The following TMOD3 variants were observed in gnomAD, a reference collection of about 807,000 sequenced individuals.
TMOD3 encodes the protein tropomodulin 3, also known as tropomodulin-3.
In TMOD3, 20 loss-of-function variants were observed where a neutral mutation model predicts 39.2. The ratio of observed to expected loss-of-function variants is 0.51; its 90% CI spans 0.36 to 0.74. The LOEUF is 0.74. Ranked by LOEUF, TMOD3 falls within the 30% of genes least tolerant of loss-of-function variation. The probability of loss-of-function intolerance (pLI) is 0.00; values close to 1 mark genes in which losing one functional copy is unlikely to be tolerated. For missense variants in TMOD3, 381 were observed against 412.8 expected (o/e 0.92, Z 0.67); for synonymous variants, 143 against 145.8 (o/e 0.98, Z 0.14).
chr15:51,847,880 A>G (rs1447644291), intron 1 of TMOD3, among the ~76,000 whole-genome samples: 1 of 152,238 alleles, frequency 6.6e-6, no homozygotes, highest in Non-Finnish European at 1.5e-5. Flanking sequence ...GAATGTCTGT[A>G]CCTTCCTAAA....
intron 3 of TMOD3, among the ~76,000 whole-genome samples, chr15:51,872,534 G>A (rs944761733): frequency 6.6e-6 from 1 of 151,450 alleles, no homozygotes; most frequent in African/African-American, 2.4e-5. Flanking sequence ...ACTTTATATC[G>A]ATGGAAACAT....
chr15:51,911,302 G>A lies in TMOD3; in HGVS notation c.*2492G>A, dbSNP rs1279619724. On this transcript the variant is annotated 3_prime_UTR_variant, in exon 10 of 10. Transcript: ENST00000308580. ...TTTCATATATTATTTATCAAAGTAT[G>A]AAGTTGAGTATTTTGCTTGTACCAT... The A allele has an allele frequency of 6.6e-6, 1 of 152,172 alleles. No homozygotes were observed. Among genetic ancestry groups the A allele is most frequent in the Non-Finnish European group, 1.5e-5 (1 of 68,034 alleles). The allele number at this position is 152,172 out of a possible 1,614,324, so 9.4% of individuals were successfully genotyped here.
At chr15:51,898,296 T>G (rs1157984374) in intron 7 of TMOD3, among the ~76,000 whole-genome samples, 7 of 152,230 alleles carry the variant, frequency 4.6e-5, no homozygotes, top group Non-Finnish European at 1.0e-4. Context: ...TCCACTTAGC[T>G]TTGTCTTATC....
At chr15:51,882,825 A>C (rs933195875) in intron 3 of TMOD3, among the ~76,000 whole-genome samples, 37 of 152,188 alleles carry the variant, frequency 2.4e-4, no homozygotes, top group Non-Finnish European at 3.5e-4. Context: ...TATAAAAAAA[A>C]AACAACTGAG....
chr15:51,906,094 AG>A (rs2056679261), intron 9 of TMOD3, among the ~76,000 whole-genome samples: 1 of 151,830 alleles, frequency 6.6e-6, no homozygotes, highest in Non-Finnish European at 1.5e-5. Flanking sequence ...GGTGAGAAAG[AG>A]GGGTCAGAAA....
intron 1 of TMOD3, among the ~76,000 whole-genome samples, chr15:51,852,376 G>T (rs1290062980): frequency 6.6e-6 from 1 of 151,924 alleles, no homozygotes; most frequent in Non-Finnish European, 1.5e-5. Context: ...ACCTGAAGTG[G>T]AGTTAACCTG....
intron 6 of TMOD3, among the ~76,000 whole-genome samples, chr15:51,894,591 C>G (rs919621295): frequency 3.9e-5 from 6 of 152,222 alleles, no homozygotes; most frequent in Non-Finnish European, 7.3e-5. Flanking sequence ...ACCCCCAGCT[C>G]TAGCCCCTGA....
chr15:51,891,220 C>T (rs1185339170), intron 5 of TMOD3, among the ~76,000 whole-genome samples: 1 of 149,834 alleles, frequency 6.7e-6, no homozygotes, highest in Non-Finnish European at 1.5e-5. Flanking sequence ...AATTTCTTAA[C>T]AGTTCTCCTC....
intron 1 of TMOD3, among the ~76,000 whole-genome samples, chr15:51,854,046 G>C (rs1296471100): frequency 6.6e-6 from 1 of 152,184 alleles, no homozygotes; most frequent in Non-Finnish European, 1.5e-5. Flanking sequence ...TAGGCTATGT[G>C]ATGGGGAGCA....
chr15:51,883,731 T>A (rs1423405386), intron 3 of TMOD3, among the ~76,000 whole-genome samples: 1 of 152,184 alleles, frequency 6.6e-6, no homozygotes, highest in East Asian at 1.9e-4. Flanking sequence ...CCAGCATCTC[T>A]AGAGTGGGGC....
rs2470609 is a variant in TMOD3 at position 51,910,788 on chromosome 15, T to A, written c.*1978T>A. 1 of 151,970 alleles carries A rather than the reference T, an allele frequency of 6.6e-6. No homozygotes were observed. The highest frequency in any genetic ancestry group is 1.5e-5 in the Non-Finnish European group (1 of 68,072). 9.4% of individuals were successfully genotyped at this position (151,970 alleles called of 1,614,324 possible). ...TTGTTTTGGTTTTTTGGTTTTGTTTTGTTTTGTTTTTTAAATCAGTATCCA... is the reference window on the plus strand; with the variant it reads ...TTGTTTTGGTTTTTTGGTTTTGTTTAGTTTTGTTTTTTAAATCAGTATCCA... On this transcript the variant is annotated 3_prime_UTR_variant, in exon 10 of 10. Coordinates refer to ENST00000308580, the MANE Select transcript of TMOD3 (RefSeq NM_014547.5).
chr15:51,859,431 TGA>T, intron 1 of TMOD3: 1 of 668,048 alleles, frequency 1.5e-6, no homozygotes. Context: ...GTTTTCAAAC[TGA>T]ATCATTTTCC....
intron 3 of TMOD3, 140 bp downstream of exon 3, chr15:51,869,513 G>T: frequency 1.3e-6 from 1 of 770,722 alleles, no homozygotes; most frequent in Non-Finnish European, 2.0e-6. Context: ...GACATTTATT[G>T]GTTTAGATAC....
chr15:51,853,046 T>C (rs1047026191), intron 1 of TMOD3, among the ~76,000 whole-genome samples: 1 of 152,190 alleles, frequency 6.6e-6, no homozygotes, highest in African/African-American at 2.4e-5. Context: ...GTAGCAACCA[T>C]ACTCATAAAA....
chr15:51,865,866 C>T (rs935304133), intron 2 of TMOD3, among the ~76,000 whole-genome samples: 1 of 151,862 alleles, frequency 6.6e-6, no homozygotes, highest in Admixed American at 6.6e-5. Flanking sequence ...ATTCAGTGTA[C>T]GTGTTTGCTA....
chr15:51,890,702 C>T (rs780494776), intron 5 of TMOD3, among the ~76,000 whole-genome samples: 5 of 152,092 alleles, frequency 3.3e-5, no homozygotes, highest in Admixed American at 6.5e-5. Context: ...AGCAGTCGAC[C>T]GTGTTTTCTA....
chr15:51,914,532 A>T lies in TMOD3; in HGVS notation c.*5722A>T, dbSNP rs2056725424. 1 of 152,376 alleles carries T rather than the reference A, an allele frequency of 6.6e-6. No individual in the cohort carries two copies. The highest frequency in any genetic ancestry group is 2.1e-4 in the South Asian group (1 of 4,808). 9.4% of individuals were successfully genotyped at this position (152,376 alleles called of 1,614,324 possible). A position where few individuals can be genotyped will look rare whatever the true frequency, so the allele number is the denominator to read the frequency against. On this transcript the variant is annotated 3_prime_UTR_variant, in exon 10 of 10. Transcript: ENST00000308580. The stretch of plus-strand genomic sequence containing the variant: ...TACAAAAAATTAGTTGGGCGTGGTG[A>T]TGCGCACCTGTAATTCTAGCTACTT...
At chr15:51,903,023 A>T (rs2056660829) in intron 9 of TMOD3, among the ~76,000 whole-genome samples, 1 of 151,846 alleles carries the variant, frequency 6.6e-6, no homozygotes, top group Non-Finnish European at 1.5e-5. Flanking sequence ...TGACCTCACG[A>T]TCCACCCGCC....
At chr15:51,830,679 T>A (rs1470395910) in intron 1 of TMOD3, among the ~76,000 whole-genome samples, 2 of 152,226 alleles carry the variant, frequency 1.3e-5, no homozygotes, top group African/African-American at 4.8e-5. Context: ...GTTAGTTATG[T>A]GCAGCCTCCC....
Sources: allele counts gnomAD v4.1 joint callset (sites outside exome capture counted in the v4.1 genomes callset), GRCh38; gene constraint gnomAD v4.1.1; transcripts MANE v1.5; gene names NCBI Gene and HGNC (gene_info 2026-07-23, HGNC 2026-07-21).